Variants in PRDM1 observed in about 807,000 individuals in gnomAD.
The protein encoded by PRDM1 is PR/SET domain 1, also known as PR domain zinc finger protein 1.
Under a neutral mutation model 62.8 loss-of-function variants are expected in PRDM1, and 13 were observed. The observed-to-expected ratio is 0.21, with a 90% CI of 0.13 to 0.33. The LOEUF (loss-of-function observed/expected upper bound fraction) is 0.33. Among genes scored for constraint, PRDM1 ranks in the 10% least tolerant of loss-of-function variants. PRDM1 has a pLI of 1.00. For synonymous variants in PRDM1, 396 were observed against 417.6 expected, an observed-to-expected ratio of 0.95 and a Z score of 0.63; for missense variants, 895 against 1,058.8, an observed-to-expected ratio of 0.85 and a Z score of 2.15.
chr6:106,074,344 C>T (rs1299317122), intron 1 of PRDM1, among the ~76,000 whole-genome samples: 1 of 152,154 alleles, frequency 6.6e-6, no homozygotes, highest in Non-Finnish European at 1.5e-5. Context: ...ACGTACCAAA[C>T]ACTTGTGGAC....
chr6:106,019,232 G>A (rs559594345), intron 1 of PRDM1, among the ~76,000 whole-genome samples: 2 of 110,618 alleles, frequency 1.8e-5, no homozygotes, highest in Non-Finnish European at 3.3e-5. Context: ...AGATCATGCT[G>A]GACAGAGTGA....
chr6:106,047,665 C>T (rs1773102097), upstream of PRDM1, among the ~76,000 whole-genome samples: 2 of 151,994 alleles, frequency 1.3e-5, no homozygotes, highest in African/African-American at 4.8e-5. Context: ...AGTGGTTGCA[C>T]CAAAGGAATA....
chr6:106,058,720 G>T (rs939497106), intron 1 of PRDM1, among the ~76,000 whole-genome samples: 1 of 152,126 alleles, frequency 6.6e-6, no homozygotes, highest in East Asian at 1.9e-4. Flanking sequence ...TTACAGGCAT[G>T]CGCCACCATG....
Position 106,088,566 on chromosome 6 carries a change from A to C in PRDM1, c.291+117A>C, listed in dbSNP as rs1206418205. On this transcript the variant is annotated intron_variant, in intron 2 of 6. Transcript: ENST00000369096. Reference sequence around the variant, plus strand: ...TGAGAATCTGTAAGTATCAGTAAATAATTGATTGCTCTATTCAATTCTTGC... The same window carrying C: ...TGAGAATCTGTAAGTATCAGTAAATCATTGATTGCTCTATTCAATTCTTGC... The C allele has an allele frequency of 3.6e-6, 4 of 1,126,188 alleles. No homozygotes were observed. In the East Asian group the frequency reaches 9.7e-5, roughly 27 times the overall value. The allele number at this position is 1,126,188 out of a possible 1,614,324, so 69.8% of individuals were successfully genotyped here. A position where few individuals can be genotyped will look rare whatever the true frequency, so the allele number is the denominator to read the frequency against.
intron 1 of PRDM1, among the ~76,000 whole-genome samples, chr6:106,066,983 A>G (rs953081306): frequency 4.6e-5 from 7 of 152,188 alleles, no homozygotes; most frequent in Non-Finnish European, 1.0e-4. Flanking sequence ...ACAATCTCCC[A>G]GTGAACTTAG....
chr6:106,043,271 T>C (rs1417516510), intron 1 of PRDM1, among the ~76,000 whole-genome samples: 1 of 152,208 alleles, frequency 6.6e-6, no homozygotes, highest in Non-Finnish European at 1.5e-5. Context: ...CCATAATTGG[T>C]ATTTATTTTT....
intron 2 of PRDM1, among the ~76,000 whole-genome samples, chr6:106,094,682 C>A (rs934659004): frequency 1.3e-5 from 2 of 152,022 alleles, no homozygotes; most frequent in African/African-American, 4.8e-5. Flanking sequence ...GTGGGAGGAT[C>A]GCTTGAGTCC....
chr6:106,066,119 GT>G (rs1480950679), intron 1 of PRDM1, among the ~76,000 whole-genome samples: 4 of 152,150 alleles, frequency 2.6e-5, no homozygotes, highest in Non-Finnish European at 5.9e-5. Context: ...ATTGTCTATG[GT>G]TTCCGCTTGC....
At chr6:106,023,607 A>T (rs569412616) in intron 1 of PRDM1, among the ~76,000 whole-genome samples, 1 of 152,300 alleles carries the variant, frequency 6.6e-6, no homozygotes, top group African/African-American at 2.4e-5. Context: ...CTGAGTTCTT[A>T]TCATTTCTGT....
At chr6:106,029,446 G>T (rs1159004203) in intron 1 of PRDM1, among the ~76,000 whole-genome samples, 1 of 152,154 alleles carries the variant, frequency 6.6e-6, no homozygotes, top group African/African-American at 2.4e-5. Context: ...AATATGCATT[G>T]TCTGGAATAA....
At chr6:106,054,062 A>C (rs1773225448) in intron 1 of PRDM1, among the ~76,000 whole-genome samples, 3 of 152,076 alleles carry the variant, frequency 2.0e-5, no homozygotes, top group African/African-American at 7.2e-5. Context: ...TTCGTAGATC[A>C]TAGGTCATCT....
chr6:106,094,365 G>A (rs929021738), intron 2 of PRDM1, among the ~76,000 whole-genome samples: 1 of 152,156 alleles, frequency 6.6e-6, no homozygotes, highest in African/African-American at 2.4e-5. Context: ...AACTGTAACT[G>A]CAAACTGTTG....
At chr6:106,059,973 G>T (rs937182763) in intron 1 of PRDM1, among the ~76,000 whole-genome samples, 1 of 152,126 alleles carries the variant, frequency 6.6e-6, no homozygotes, top group African/African-American at 2.4e-5. Flanking sequence ...GTTCTGTTTT[G>T]GATTAAGATT....
intron 3 of PRDM1, chr6:106,096,237 C>T (rs988500464): frequency 2.4e-4 from 38 of 156,526 alleles, no homozygotes; most frequent in Admixed American, 1.9e-4. Flanking sequence ...CAACCTCCGC[C>T]TCCCAGGTTC....
intron 1 of PRDM1, among the ~76,000 whole-genome samples, chr6:106,041,095 T>A (rs7761376): frequency 6.6e-6 from 1 of 152,010 alleles, no homozygotes; most frequent in African/African-American, 2.4e-5. Flanking sequence ...TGGCACCACA[T>A]AGCAATGCTT....
At chr6:106,029,866 G>T (rs1772817968) in intron 1 of PRDM1, among the ~76,000 whole-genome samples, 1 of 151,826 alleles carries the variant, frequency 6.6e-6, no homozygotes, top group South Asian at 2.1e-4. Context: ...CAATTTGTCC[G>T]TCTTGGCCTC....
upstream of PRDM1, among the ~76,000 whole-genome samples, chr6:105,993,288 C>T (rs1181804976): frequency 4.6e-5 from 7 of 152,190 alleles, no homozygotes; most frequent in African/African-American, 1.7e-4. Flanking sequence ...CGGGTTTGAT[C>T]CCCAAAATCC....
At chr6:106,057,531 G>A (rs1305996609) in intron 1 of PRDM1, among the ~76,000 whole-genome samples, 1 of 151,980 alleles carries the variant, frequency 6.6e-6, no homozygotes, top group Non-Finnish European at 1.5e-5. Context: ...TATTTGTTGG[G>A]GTATTTTTTT....
At chr6:106,044,429 CA>C (rs1773044759), upstream of PRDM1, among the ~76,000 whole-genome samples, 2 of 152,028 alleles carry the variant, frequency 1.3e-5, no homozygotes, top group African/African-American at 4.8e-5. Flanking sequence ...CAAGGGAAGC[CA>C]GAAGTAAATC....
Sources: allele counts gnomAD v4.1 joint callset (sites outside exome capture counted in the v4.1 genomes callset), GRCh38; gene constraint gnomAD v4.1.1; transcripts MANE v1.5; gene names NCBI Gene and HGNC (gene_info 2026-07-23, HGNC 2026-07-21).